Variants in DRC2 observed in about 807,000 individuals in gnomAD.
The protein encoded by DRC2 is dynein regulatory complex subunit 2.
chr12:48,918,988 G>A, the DRC2 span: 1 of 1,049,874 alleles, frequency 9.5e-7, no homozygotes, highest in Non-Finnish European at 1.4e-6. Context: ...GGATAGCGGG[G>A]GCTTCTTCCT....
At chr12:48,911,475 T>C in the DRC2 span, among the ~76,000 whole-genome samples, 46 of 152,170 alleles carry the variant, frequency 3.0e-4, no homozygotes, top group Middle Eastern at 3.4e-3. Context: ...GGGGATCAAT[T>C]GAGCCTGGGA....
At chr12:48,914,829 C>T in the DRC2 span, among the ~76,000 whole-genome samples, 4 of 151,754 alleles carry the variant, frequency 2.6e-5, no homozygotes, top group Non-Finnish European at 4.4e-5. Flanking sequence ...TTTTCTTTCA[C>T]TATTTTTTTC....
the DRC2 span, among the ~76,000 whole-genome samples, chr12:48,908,407 G>A: frequency 1.3e-5 from 2 of 151,566 alleles, no homozygotes; most frequent in African/African-American, 4.8e-5. Context: ...TGTATAAGTC[G>A]TCTACTTTAA....
At chr12:48,909,480 A>T in the DRC2 span, among the ~76,000 whole-genome samples, 5 of 151,218 alleles carry the variant, frequency 3.3e-5, no homozygotes, top group Middle Eastern at 3.4e-3. Flanking sequence ...TTTTATTTTT[A>T]TTTATTTATT....
At chr12:48,917,085 A>G in the DRC2 span, 3 of 1,614,192 alleles carry the variant, frequency 1.9e-6, no homozygotes, top group Non-Finnish European at 2.5e-6. Context: ...GTTCCAGAGC[A>G]TGTGGAATGA....
the DRC2 span, among the ~76,000 whole-genome samples, chr12:48,920,441 T>TTAAAAA: frequency 3.4e-3 from 228 of 67,786 alleles, 26 homozygotes; most frequent in African/African-American, 8.8e-3. Context: ...AACTCCATCT[T>TTAAAAA]AAAAAAAAAA....
the DRC2 span, chr12:48,914,292 A>C: frequency 3.7e-6 from 4 of 1,085,478 alleles, no homozygotes; most frequent in Non-Finnish European, 5.2e-6. Flanking sequence ...AGCATTCTTA[A>C]AGTCAAAGAA....
the DRC2 span, among the ~76,000 whole-genome samples, chr12:48,912,552 C>T: frequency 1.3e-5 from 2 of 150,952 alleles, no homozygotes; most frequent in East Asian, 3.9e-4. Context: ...GAAGCAGAAA[C>T]TGCCAGGCTA....
the DRC2 span, chr12:48,921,268 A>G: frequency 4.8e-5 from 78 of 1,614,258 alleles, 1 homozygote; most frequent in Middle Eastern, 4.5e-3. Flanking sequence ...CAGCTGCTAG[A>G]TATCAATGGG....
chr12:48,904,349 G>GA, the DRC2 span: 4 of 1,613,554 alleles, frequency 2.5e-6, no homozygotes, highest in Non-Finnish European at 3.4e-6. Context: ...GCCTAAGAAA[G>GA]AAAAAATGGC....
the DRC2 span, chr12:48,918,966 G>A: frequency 2.7e-3 from 3,690 of 1,370,892 alleles, 19 homozygotes; most frequent in South Asian, 0.012. Flanking sequence ...CAAAGTGAAA[G>A]GGATTTGGAA....
chr12:48,915,356 A>AGCG, the DRC2 span, among the ~76,000 whole-genome samples: 1 of 144,960 alleles, frequency 6.9e-6, no homozygotes. Flanking sequence ...AACAAAGCAC[A>AGCG]TCTTGCACCG....
the DRC2 span, among the ~76,000 whole-genome samples, chr12:48,906,276 CAT>C: frequency 6.6e-6 from 1 of 151,814 alleles, no homozygotes; most frequent in Non-Finnish European, 1.5e-5. Flanking sequence ...TAGAAGTCCA[CAT>C]ACCCCACCAG....
the DRC2 span, among the ~76,000 whole-genome samples, chr12:48,906,933 G>C: frequency 6.6e-6 from 1 of 151,286 alleles, no homozygotes; most frequent in African/African-American, 2.4e-5. Context: ...CTTGATAAGA[G>C]GGCCAGGCAC....
chr12:48,918,524 C>G, the DRC2 span: 1 of 1,574,784 alleles, frequency 6.4e-7, no homozygotes, highest in Non-Finnish European at 8.7e-7. Context: ...CTATTATCCC[C>G]TCTTTTGCTT....
the DRC2 span, chr12:48,916,898 C>A: frequency 4.8e-6 from 7 of 1,450,058 alleles, no homozygotes; most frequent in African/African-American, 1.4e-5. Flanking sequence ...AGATTACATA[C>A]TGCTTTGAAT....
chr12:48,905,499 T>C, the DRC2 span, among the ~76,000 whole-genome samples: 4 of 152,162 alleles, frequency 2.6e-5, no homozygotes, highest in Non-Finnish European at 5.9e-5. Context: ...AGCATGTGTT[T>C]ATTGATTCCC....
chr12:48,912,142 C>T, the DRC2 span, among the ~76,000 whole-genome samples: 2 of 152,008 alleles, frequency 1.3e-5, no homozygotes, highest in African/African-American at 2.4e-5. Flanking sequence ...TGCCTGTAAT[C>T]CCAGCTACTG....
At chr12:48,911,322 G>A in the DRC2 span, among the ~76,000 whole-genome samples, 2 of 152,150 alleles carry the variant, frequency 1.3e-5, no homozygotes, top group African/African-American at 4.8e-5. Context: ...CACTTTGGGA[G>A]GCTGAGGCGG....
Sources: allele counts gnomAD v4.1 joint callset (sites outside exome capture counted in the v4.1 genomes callset), GRCh38; gene constraint gnomAD v4.1.1; transcripts MANE v1.5; gene names NCBI Gene and HGNC (gene_info 2026-07-23, HGNC 2026-07-21).